Variants in ZNF248 observed in about 807,000 individuals in gnomAD.
The protein encoded by ZNF248 is zinc finger protein 248.
Under a neutral mutation model 44.3 loss-of-function variants are expected in ZNF248, and 20 were observed. The observed-to-expected ratio is 0.45, with a 90% CI of 0.32 to 0.66. The LOEUF (loss-of-function observed/expected upper bound fraction) is 0.66, where lower values mean the gene tolerates loss of function less well. Among genes scored for constraint, ZNF248 ranks in the 30% least tolerant of loss-of-function variants. The probability of loss-of-function intolerance (pLI) is 0.04; values close to 1 mark genes in which losing one functional copy is unlikely to be tolerated. For missense variants in ZNF248, 654 were observed against 677.0 expected, an observed-to-expected ratio of 0.97 and a Z score of 0.38; for synonymous variants, 224 against 229.0, an observed-to-expected ratio of 0.98 and a Z score of 0.20.
At chr10:37,791,337 C>T (rs1046831041) in intron 6 of ZNF248, among the ~76,000 whole-genome samples, 18 of 152,070 alleles carry the variant, frequency 1.2e-4, no homozygotes, top group Middle Eastern at 3.4e-3. Context: ...CCACCGTGCC[C>T]GGCCTTTGTT....
chr10:37,806,460 T>C (rs1396300621), intron 6 of ZNF248, among the ~76,000 whole-genome samples: 1 of 152,150 alleles, frequency 6.6e-6, no homozygotes, highest in Admixed American at 6.5e-5. Flanking sequence ...GGTATCTCAT[T>C]GTGGTTTTAA....
downstream of ZNF248, among the ~76,000 whole-genome samples, chr10:37,825,936 A>C (rs1487870090): frequency 1.3e-5 from 2 of 151,566 alleles, 1 homozygote; most frequent in South Asian, 4.2e-4. Flanking sequence ...GAAAACTTGG[A>C]CAAGTGTAGA....
intron 6 of ZNF248, among the ~76,000 whole-genome samples, chr10:37,799,018 T>C (rs1231289137): frequency 2.0e-5 from 3 of 152,094 alleles, no homozygotes; most frequent in Admixed American, 6.6e-5. Context: ...ATTTAAAGAA[T>C]GACATCTCCA....
chr10:37,781,253 G>C (rs1035990399), intron 6 of ZNF248, among the ~76,000 whole-genome samples: 1 of 152,136 alleles, frequency 6.6e-6, no homozygotes, highest in Non-Finnish European at 1.5e-5. Context: ...TCATTGTGAA[G>C]GGTCCTTTTC....
intron 3 of ZNF248, among the ~76,000 whole-genome samples, chr10:37,854,369 G>T (rs763002773): frequency 6.6e-6 from 1 of 151,648 alleles, no homozygotes. Context: ...AAAAGACACT[G>T]GGGGGGAAAA....
chr10:37,836,021 T>C (rs2057094760), intron 5 of ZNF248, among the ~76,000 whole-genome samples: 2 of 152,212 alleles, frequency 1.3e-5, no homozygotes, highest in South Asian at 4.1e-4. Context: ...CAGTAAATGA[T>C]AACCTAATCT....
chr10:37,807,498 T>C (rs148130593), intron 6 of ZNF248, among the ~76,000 whole-genome samples: 123 of 152,330 alleles, frequency 8.1e-4, no homozygotes, highest in African/African-American at 2.9e-3. Context: ...ATTGAACCTG[T>C]AGATTGCTTT....
chr10:37,799,892 A>T (rs1402476383), intron 6 of ZNF248, among the ~76,000 whole-genome samples: 3 of 152,028 alleles, frequency 2.0e-5, no homozygotes, highest in African/African-American at 7.2e-5. Flanking sequence ...TCAAGACTTA[A>T]ATATTTTTCT....
intron 3 of ZNF248, among the ~76,000 whole-genome samples, chr10:37,842,950 AG>A (rs1038548500): frequency 2.6e-5 from 4 of 152,208 alleles, no homozygotes; most frequent in Non-Finnish European, 5.9e-5. Context: ...CAGGACACGA[AG>A]GCTAAAGCAA....
intron 6 of ZNF248, among the ~76,000 whole-genome samples, chr10:37,797,061 G>C (rs2049246271): frequency 6.6e-6 from 1 of 151,998 alleles, no homozygotes; most frequent in East Asian, 1.9e-4. Context: ...CTTTGAGATA[G>C]GTTATATTAT....
chr10:37,787,656 A>C (rs931969979), intron 6 of ZNF248, among the ~76,000 whole-genome samples: 1 of 152,160 alleles, frequency 6.6e-6, no homozygotes, highest in Non-Finnish European at 1.5e-5. Context: ...CAAAAAAAAA[A>C]AATAGTAACT....
intron 5 of ZNF248, among the ~76,000 whole-genome samples, chr10:37,835,716 C>A (rs1255278996): frequency 6.6e-6 from 1 of 152,138 alleles, no homozygotes; most frequent in Non-Finnish European, 1.5e-5. Context: ...GCAGCTGCAA[C>A]CACGACCATA....
Position 37,830,610 on chromosome 10 carries a change from A to ACAGTGATG in ZNF248, c.*997_*1004dup. 1 of 985,172 alleles carries ACAGTGATG rather than the reference A, an allele frequency of 1.0e-6. No homozygotes were observed. Among genetic ancestry groups the ACAGTGATG allele is most frequent in the South Asian group, 4.7e-5 (1 of 21,280 alleles). 61.0% of individuals were successfully genotyped at this position (985,172 alleles called of 1,614,324 possible). A position where few individuals can be genotyped will look rare whatever the true frequency, so the allele number is the denominator to read the frequency against. On this transcript the variant is annotated 3_prime_UTR_variant, in exon 6 of 6. Transcript: ENST00000395867. ...TTGCCAAATACGTTTTCATATATAC[A>ACAGTGATG]CAGTGATGTGCTGTAAATATTTGAC... is the stretch of plus-strand genomic sequence containing the variant.
chr10:37,811,298 T>G (rs2051448089), intron 6 of ZNF248, among the ~76,000 whole-genome samples: 2 of 152,186 alleles, frequency 1.3e-5, no homozygotes, highest in Non-Finnish European at 2.9e-5. Context: ...ACTTTGCACT[T>G]TTAGCAAAAT....
chr10:37,828,990 T>C lies in ZNF248; in HGVS notation c.*2625A>G, dbSNP rs749466554. The C allele has an allele frequency of 3.4e-4, 335 of 985,362 alleles. No individual in the cohort carries two copies. The highest frequency in any genetic ancestry group is 3.9e-4 in the Non-Finnish European group (324 of 829,954). The allele number at this position is 985,362 out of a possible 1,614,324, so 61.0% of individuals were successfully genotyped here. On this transcript the variant is annotated 3_prime_UTR_variant, in exon 6 of 6. Transcript: ENST00000395867. ...TAACTTGCAACTAGTAGAATAACTT[T>C]ATTTCTAACACTGAGCCTTCTACAT...
chr10:37,849,263 C>T (rs189876820), intron 3 of ZNF248, among the ~76,000 whole-genome samples: 39 of 151,696 alleles, frequency 2.6e-4, no homozygotes, highest in Non-Finnish European at 5.1e-4. Flanking sequence ...GACTACTACA[C>T]CACTGTATTC....
intron 6 of ZNF248, among the ~76,000 whole-genome samples, chr10:37,812,351 C>T (rs1252160240): frequency 6.6e-6 from 1 of 151,378 alleles, no homozygotes; most frequent in Non-Finnish European, 1.5e-5. Context: ...ACATTTGTTA[C>T]TAAGGAAGAG....
chr10:37,805,838 T>C (rs1162768210), intron 6 of ZNF248, among the ~76,000 whole-genome samples: 3 of 152,176 alleles, frequency 2.0e-5, no homozygotes, highest in Non-Finnish European at 4.4e-5. Context: ...ATTATATATA[T>C]AGATACACAC....
intron 6 of ZNF248, among the ~76,000 whole-genome samples, chr10:37,817,307 C>T (rs141072137): frequency 2.6e-5 from 4 of 152,000 alleles, no homozygotes; most frequent in East Asian, 1.9e-4. Flanking sequence ...TGGTTAGTTG[C>T]TGTATGCCCT....
Sources: gnomAD v4.1 joint callset for allele counts (sites outside exome capture counted in the v4.1 genomes callset) on GRCh38, gnomAD v4.1.1 for gene constraint, MANE v1.5 for transcripts, NCBI Gene and HGNC (gene_info 2026-07-23, HGNC 2026-07-21) for gene names.